The following RIC1 variants were observed in gnomAD, a reference collection of about 807,000 sequenced individuals.
The protein encoded by RIC1 is guanine nucleotide exchange factor subunit RIC1.
RIC1 carries 88 observed loss-of-function variants against 169.0 expected under a neutral mutation model. The ratio of observed to expected loss-of-function variants is 0.52; its 90% CI spans 0.44 to 0.62. The LOEUF is 0.62. Among genes scored for constraint, RIC1 ranks in the 20% least tolerant of loss-of-function variants. RIC1 has a pLI of 0.00. For missense variants in RIC1, 1,877 were observed against 1,725.5 expected (o/e 1.09, Z -1.56); for synonymous variants, 790 against 601.5 (o/e 1.31, Z -4.59).
intron 6 of RIC1, among the ~76,000 whole-genome samples, chr9:5,729,707 G>A (rs1264124135): frequency 6.6e-6 from 1 of 151,764 alleles, no homozygotes; most frequent in Non-Finnish European, 1.5e-5. Flanking sequence ...ATTCTGTTTG[G>A]TATCAACTTT....
chr9:5,687,798 A>G (rs938451683), intron 2 of RIC1, among the ~76,000 whole-genome samples: 1 of 152,206 alleles, frequency 6.6e-6, no homozygotes, highest in Non-Finnish European at 1.5e-5. Context: ...TTTGAATTTA[A>G]TTAAATATTT....
chr9:5,770,038 G>C (rs1164322393), intron 22 of RIC1, 49 bp from the exon 23 acceptor site: 13 of 1,470,916 alleles, frequency 8.8e-6, no homozygotes, highest in Non-Finnish European at 1.2e-5. Flanking sequence ...GTCAGTGTGT[G>C]CATCTTCAAT....
Position 5,722,348 on chromosome 9 carries a change from AGT to A in RIC1, c.720+1631_720+1632del, listed in dbSNP as rs1554673860. Reference sequence around the variant, plus strand: ...CTTGCAAAAACTATAAGAGAGAGAGAGTGTGTGTGTGTGTGTGTGTGTGTGTG... The same window carrying A: ...CTTGCAAAAACTATAAGAGAGAGAGAGTGTGTGTGTGTGTGTGTGTGTGTG... On this transcript the variant is annotated intron_variant, in intron 6 of 25. Coordinates refer to ENST00000414202, the MANE Select transcript of RIC1 (RefSeq NM_020829.4). Among the ~76,000 whole-genome samples, 995 of 131,300 alleles carry A rather than the reference AGT, an allele frequency of 7.6e-3. 5 individuals are homozygous for A. Among genetic ancestry groups the A allele is most frequent in the Admixed American group, 0.012 (153 of 12,900 alleles). 86.1% of individuals were successfully genotyped at this position (131,300 alleles called of 152,430 possible).
intron 11 of RIC1, among the ~76,000 whole-genome samples, chr9:5,746,851 A>G (rs1332944270): frequency 1.3e-5 from 2 of 152,182 alleles, no homozygotes; most frequent in East Asian, 3.8e-4. Flanking sequence ...AAATGTGAAA[A>G]TAGCCTGAAT....
chr9:5,765,426 C>A lies in RIC1; in HGVS notation c.2854C>A (p.Pro952Thr). 1 of 1,613,218 alleles carries A rather than the reference C, an allele frequency of 6.2e-7. No homozygotes were observed. Among genetic ancestry groups the A allele is most frequent in the Non-Finnish European group, 8.5e-7 (1 of 1,179,698 alleles). Residue 952 changes from proline to threonine, a missense_variant, in exon 20 of 26, where the codon CCT (proline) becomes ACT (threonine). Coordinates refer to ENST00000414202, the MANE Select transcript of RIC1 (RefSeq NM_020829.4). ...TTGTTTTTTGTAGAATATGGAAGTC[C>A]CTGCAGTAAGTAGGCAACATGCTAC... ...YLIILQNMEV[P>T]AVSRQHATLL...
chr9:5,641,588 C>T (rs999347802), intron 1 of RIC1, among the ~76,000 whole-genome samples: 1 of 151,966 alleles, frequency 6.6e-6, no homozygotes, highest in African/African-American at 2.4e-5. Flanking sequence ...ATTTTTTAGG[C>T]ATGCTTCACT....
At chr9:5,689,814 T>G in intron 2 of RIC1, 145 bp from the exon 3 acceptor site, 1 of 559,322 alleles carries the variant, frequency 1.8e-6, no homozygotes, top group East Asian at 3.4e-5. Flanking sequence ...AAGTCGCTTC[T>G]ATTTGCATAA....
intron 23 of RIC1, 47 bp downstream of exon 23, chr9:5,770,325 T>C: frequency 6.7e-7 from 1 of 1,491,030 alleles, no homozygotes; most frequent in Non-Finnish European, 9.3e-7. Context: ...TTGAAGAAAA[T>C]TTATGTGCTA....
chr9:5,689,903 G>T, intron 2 of RIC1, 56 bp from the exon 3 acceptor site: 2 of 1,149,502 alleles, frequency 1.7e-6, no homozygotes, highest in East Asian at 2.5e-5. Context: ...TTAAAATTCA[G>T]GGTTACAGTT....
chr9:5,694,517 C>T (rs902680783), intron 3 of RIC1, among the ~76,000 whole-genome samples: 2 of 152,174 alleles, frequency 1.3e-5, no homozygotes, highest in Non-Finnish European at 2.9e-5. Context: ...TGTAAATGTA[C>T]ATGGGTGACC....
At chr9:5,758,430 C>CAGACT (rs751436624) in intron 17 of RIC1, among the ~76,000 whole-genome samples, 1 of 152,178 alleles carries the variant, frequency 6.6e-6, no homozygotes, top group Non-Finnish European at 1.5e-5. Context: ...AATTAGAAAA[C>CAGACT]AGACTAGACT....
intron 6 of RIC1, among the ~76,000 whole-genome samples, chr9:5,728,684 T>A (rs993206582): frequency 6.6e-6 from 1 of 152,168 alleles, no homozygotes; most frequent in African/African-American, 2.4e-5. Flanking sequence ...CCATTTCATC[T>A]TCTTAAAGAA....
At chr9:5,701,426 A>G (rs964764471) in intron 3 of RIC1, among the ~76,000 whole-genome samples, 1 of 152,222 alleles carries the variant, frequency 6.6e-6, no homozygotes, top group Middle Eastern at 3.4e-3. Context: ...AGCCTGACCA[A>G]CATAGCAGAA....
At chr9:5,674,764 C>T (rs1048021546) in intron 2 of RIC1, among the ~76,000 whole-genome samples, 2 of 152,210 alleles carry the variant, frequency 1.3e-5, no homozygotes, top group Admixed American at 1.3e-4. Flanking sequence ...CTCTCCCCTC[C>T]AGCCCACTTT....
intron 2 of RIC1, among the ~76,000 whole-genome samples, chr9:5,678,773 AT>A (rs1820616538): frequency 6.6e-6 from 1 of 151,754 alleles, no homozygotes; most frequent in Admixed American, 6.6e-5. Flanking sequence ...GGTTGCAAAA[AT>A]TTTTTCCCAT....
At chr9:5,724,384 GC>G (rs1180559793) in intron 6 of RIC1, among the ~76,000 whole-genome samples, 34 of 152,294 alleles carry the variant, frequency 2.2e-4, no homozygotes, top group African/African-American at 7.7e-4. Flanking sequence ...GTATAGGAAT[GC>G]TTGTGATTTT....
chr9:5,662,804 C>T (rs896974221), intron 2 of RIC1, among the ~76,000 whole-genome samples: 6 of 151,890 alleles, frequency 4.0e-5, no homozygotes, highest in African/African-American at 9.7e-5. Context: ...ATTCATTGAT[C>T]GTTTGAATGG....
chr9:5,737,808 ATATTG>A (rs1824817029), intron 7 of RIC1, among the ~76,000 whole-genome samples: 1 of 150,984 alleles, frequency 6.6e-6, no homozygotes, highest in East Asian at 1.9e-4. Context: ...TTAATATTAT[ATATTG>A]TATTCTTACA....
At chr9:5,702,532 TTTTGTTTTTG>T (rs147139434) in intron 3 of RIC1, among the ~76,000 whole-genome samples, 45,292 of 147,136 alleles carry the variant, frequency 0.31, 8,277 homozygotes, top group African/African-American at 0.55. Flanking sequence ...TTGTTTTTGT[TTTTGTTTTTG>T]TTTGTTTGTT....
Sources: gnomAD v4.1 joint callset for allele counts (sites outside exome capture counted in the v4.1 genomes callset) on GRCh38, gnomAD v4.1.1 for gene constraint, MANE v1.5 for transcripts, NCBI Gene and HGNC (gene_info 2026-07-23, HGNC 2026-07-21) for gene names.